BCAT1: variants seen among roughly 807,000 people sequenced by gnomAD.
BCAT1 encodes the protein branched-chain-amino-acid aminotransferase, cytosolic.
A neutral mutation model predicts 52.4 loss-of-function variants in BCAT1; 48 were observed. The ratio of observed to expected loss-of-function variants is 0.92; its 90% CI spans 0.73 to 1.16. BCAT1 has a LOEUF of 1.16. Ranked by LOEUF, BCAT1 falls within the 50% of genes most tolerant of loss-of-function variation. The probability of loss-of-function intolerance (pLI) is 0.00; values close to 1 mark genes in which losing one functional copy is unlikely to be tolerated. For missense variants in BCAT1, 451 were observed against 457.1 expected (o/e 0.99, Z 0.12); for synonymous variants, 167 against 161.3 (o/e 1.04, Z -0.27).
chr12:24,887,341 G>T (rs1335312686), intron 3 of BCAT1, among the ~76,000 whole-genome samples: 1 of 151,832 alleles, frequency 6.6e-6, no homozygotes, highest in East Asian at 1.9e-4. Context: ...ACAAATGTTA[G>T]GTTGGTCCTT....
intron 1 of BCAT1, among the ~76,000 whole-genome samples, chr12:24,915,427 A>C (rs1217085019): frequency 6.6e-6 from 1 of 152,230 alleles, no homozygotes; most frequent in Non-Finnish European, 1.5e-5. Flanking sequence ...GCTTCTATTG[A>C]GCACGCCTGT....
At chr12:24,899,712 G>A (rs12320547) in intron 2 of BCAT1, among the ~76,000 whole-genome samples, 6,848 of 151,538 alleles carry the variant, frequency 0.045, 222 homozygotes, top group African/African-American at 0.088. Flanking sequence ...GAGTAAAATC[G>A]TGTCATTTGT....
Position 24,949,031 on chromosome 12 carries a change from C to A in BCAT1, c.-99G>T, listed in dbSNP as rs1329065457. 7 of 1,336,946 alleles carry A rather than the reference C, an allele frequency of 5.2e-6. No homozygotes were observed. In the East Asian group the frequency reaches 1.5e-4, roughly 29 times the overall value. 82.8% of individuals were successfully genotyped at this position (1,336,946 alleles called of 1,614,324 possible). On this transcript the variant is annotated 5_prime_UTR_variant, in exon 1 of 11. Coordinates refer to ENST00000261192, the MANE Select transcript of BCAT1 (RefSeq NM_005504.7). ...GGACCGGGTCTGCGGCTGCAGAGCG[C>A]GGTCCCGGCTGCAGCAAGACCTGGG...
At chr12:24,923,016 A>T (rs1591878722) in intron 1 of BCAT1, among the ~76,000 whole-genome samples, 1 of 152,300 alleles carries the variant, frequency 6.6e-6, no homozygotes, top group African/African-American at 2.4e-5. Flanking sequence ...ATGAGTTGTG[A>T]TAATATGTGT....
Position 24,947,673 on chromosome 12 carries a change from C to A in BCAT1, c.6+1254G>T, listed in dbSNP as rs2139774569. Among the ~76,000 whole-genome samples, 2 of 152,300 alleles carry A rather than the reference C, an allele frequency of 1.3e-5. 1 individual carries two copies. Among genetic ancestry groups the A allele is most frequent in the South Asian group, 4.1e-4 (2 of 4,820 alleles). On this transcript the variant is annotated intron_variant, in intron 1 of 10. Coordinates refer to ENST00000261192, the MANE Select transcript of BCAT1 (RefSeq NM_005504.7). The stretch of plus-strand genomic sequence containing the variant: ...CTAGTTCCCCATGTTATAAAAGTAT[C>A]TTGTGGAAGGGACAGGGGTTTTTGG...
chr12:24,946,775 G>C (rs999763183), intron 1 of BCAT1, among the ~76,000 whole-genome samples: 4 of 152,112 alleles, frequency 2.6e-5, no homozygotes, highest in African/African-American at 9.7e-5. Flanking sequence ...CTTGGTTTTA[G>C]TCCATAGTAC....
At position 24,888,906 on chromosome 12, in the gene BCAT1, C is replaced by T. The variant is rs1013448758; in HGVS notation, c.279+5369G>A. Among the ~76,000 whole-genome samples the T allele has an allele frequency of 2.6e-4, 39 of 152,192 alleles. 1 individual carries two copies. Among genetic ancestry groups the T allele is most frequent in the Non-Finnish European group, 5.9e-5 (4 of 68,028 alleles). ...GTTCAAGATGGCGGCTCCATCTTCC[C>T]TTCTCTTTGTCAGCCACCTGTACAG... On this transcript the variant is annotated intron_variant, in intron 3 of 10. Coordinates refer to ENST00000261192, the MANE Select transcript of BCAT1 (RefSeq NM_005504.7).
chr12:24,901,739 C>A, intron 2 of BCAT1, 75 bp downstream of exon 2: 1 of 1,475,610 alleles, frequency 6.8e-7, no homozygotes, highest in Non-Finnish European at 9.3e-7. Context: ...TGAAAATTTC[C>A]CCGAATCTCA....
chr12:24,887,080 A>AAAAAAAAAAAAAAAATATAT (rs1245203518), intron 3 of BCAT1, among the ~76,000 whole-genome samples: 1 of 40,742 alleles, frequency 2.5e-5, no homozygotes, highest in Non-Finnish European at 5.2e-5. Context: ...AAAAAAAAAA[A>AAAAAAAAAAAAAAAATATAT]ATATATATAT....
At chr12:24,858,810 G>T (rs1235660974) in intron 5 of BCAT1, among the ~76,000 whole-genome samples, 2 of 152,174 alleles carry the variant, frequency 1.3e-5, no homozygotes. Context: ...AGAAGGCATG[G>T]GAATGTGGTC....
At chr12:24,874,226 A>C (rs562997656) in intron 5 of BCAT1, among the ~76,000 whole-genome samples, 67 of 152,348 alleles carry the variant, frequency 4.4e-4, no homozygotes, top group African/African-American at 1.5e-3. Flanking sequence ...AGGCAGGAGA[A>C]TCACTTGAAC....
chr12:24,943,443 T>A (rs1011303652), intron 1 of BCAT1, among the ~76,000 whole-genome samples: 5 of 135,590 alleles, frequency 3.7e-5, no homozygotes, highest in Admixed American at 1.7e-4. Context: ...AAGTGAGCCA[T>A]GATTGTACCA....
At chr12:24,929,929 T>C (rs1943653711) in intron 1 of BCAT1, among the ~76,000 whole-genome samples, 1 of 152,240 alleles carries the variant, frequency 6.6e-6, no homozygotes, top group Admixed American at 6.5e-5. Context: ...AACTCAGTTA[T>C]GAAAAGGGTA....
Position 24,816,755 on chromosome 12 carries a change from C to A in BCAT1, c.*1253G>T, listed in dbSNP as rs1394050433. 3.1e-5 allele frequency: 12 copies of A among 392,092 alleles called. No homozygotes were observed. The highest frequency in any genetic ancestry group is 5.4e-5 in the Non-Finnish European group (12 of 222,278). The allele number at this position is 392,092 out of a possible 1,614,324, so 24.3% of individuals were successfully genotyped here. A position where few individuals can be genotyped will look rare whatever the true frequency, so the allele number is the denominator to read the frequency against. ...TGGAAGACAATTTTTCCACAGACTGCAGGGTGAAGGGTGGTTTCAGGATGA... is the reference window on the plus strand; with the variant it reads ...TGGAAGACAATTTTTCCACAGACTGAAGGGTGAAGGGTGGTTTCAGGATGA... On this transcript the variant is annotated 3_prime_UTR_variant, in exon 11 of 11. Transcript: ENST00000261192.
intron 3 of BCAT1, among the ~76,000 whole-genome samples, chr12:24,886,941 T>C (rs1942678623): frequency 6.7e-6 from 1 of 148,800 alleles, no homozygotes; most frequent in South Asian, 2.2e-4. Context: ...CACGTGCCTG[T>C]AATCTCAGCT....
intron 1 of BCAT1, among the ~76,000 whole-genome samples, chr12:24,916,596 G>A (rs1398755751): frequency 1.3e-5 from 2 of 152,230 alleles, no homozygotes; most frequent in Admixed American, 6.5e-5. Flanking sequence ...CTGGAGCGCA[G>A]TGGTGCGATC....
At chr12:24,837,759 G>A (rs1327357742) in intron 7 of BCAT1, among the ~76,000 whole-genome samples, 1 of 152,066 alleles carries the variant, frequency 6.6e-6, no homozygotes, top group Admixed American at 6.6e-5. Context: ...TTCAAACCTG[G>A]TGGAGCATCA....
At chr12:24,862,915 T>C (rs1195860252) in intron 5 of BCAT1, among the ~76,000 whole-genome samples, 1 of 152,212 alleles carries the variant, frequency 6.6e-6, no homozygotes, top group Non-Finnish European at 1.5e-5. Context: ...TTCCTTTAGT[T>C]CTAGCCAATA....
At chr12:24,920,751 T>C (rs7964239) in intron 1 of BCAT1, among the ~76,000 whole-genome samples, 24,280 of 152,076 alleles carry the variant, frequency 0.16, 2,624 homozygotes, top group South Asian at 0.37. Context: ...ACCCCGTCCT[T>C]CCAACCAGTC....
Sources: gnomAD v4.1 joint callset for allele counts (sites outside exome capture counted in the v4.1 genomes callset) on GRCh38, gnomAD v4.1.1 for gene constraint, MANE v1.5 for transcripts, NCBI Gene and HGNC (gene_info 2026-07-23, HGNC 2026-07-21) for gene names.